The following STARD13 variants were observed in gnomAD, a reference collection of about 807,000 sequenced individuals.
STARD13 encodes the protein StAR related lipid transfer domain containing 13, also known as stAR-related lipid transfer protein 13.
In STARD13, 62 loss-of-function variants were observed where a neutral mutation model predicts 106.4. The ratio of observed to expected loss-of-function variants is 0.58; its 90% CI spans 0.48 to 0.72. The LOEUF is 0.72. Ranked by LOEUF, STARD13 falls within the 30% of genes least tolerant of loss-of-function variation. STARD13 has a pLI of 0.00. For missense variants in STARD13, 1,387 were observed against 1,424.0 expected (o/e 0.97, Z 0.42); for synonymous variants, 565 against 553.0 (o/e 1.02, Z -0.31).
At chr13:33,458,277 G>GT in the STARD13 span, among the ~76,000 whole-genome samples, 411 of 144,002 alleles carry the variant, frequency 2.9e-3, 2 homozygotes, top group South Asian at 0.01. Flanking sequence ...GTTTTTTGTT[G>GT]TTTTTTTTTT....
At chr13:33,660,214 T>G in the STARD13 span, among the ~76,000 whole-genome samples, 1 of 152,198 alleles carries the variant, frequency 6.6e-6, no homozygotes, top group Non-Finnish European at 1.5e-5. Flanking sequence ...CTTAGCTGAA[T>G]TCATGTTTTT....
intron 1 of STARD13, among the ~76,000 whole-genome samples, chr13:33,293,056 GC>G (rs1432606160): frequency 6.6e-6 from 1 of 152,126 alleles, no homozygotes; most frequent in Non-Finnish European, 1.5e-5. Context: ...CCTTCCTATG[GC>G]TGGCTCTTTC....
chr13:33,593,366 G>T, the STARD13 span, among the ~76,000 whole-genome samples: 957 of 152,038 alleles, frequency 6.3e-3, 6 homozygotes, highest in Non-Finnish European at 9.0e-3. Context: ...TCTATTTTTA[G>T]TAGAGATGGG....
chr13:33,506,588 C>G, the STARD13 span, among the ~76,000 whole-genome samples: 1 of 152,116 alleles, frequency 6.6e-6, no homozygotes, highest in Non-Finnish European at 1.5e-5. Flanking sequence ...AGTGGAAGAT[C>G]TGCATAACTC....
the STARD13 span, among the ~76,000 whole-genome samples, chr13:33,493,381 C>T: frequency 6.6e-6 from 1 of 152,172 alleles, no homozygotes; most frequent in Non-Finnish European, 1.5e-5. Flanking sequence ...AAGCTGCTTA[C>T]GCATTTGTCC....
chr13:33,117,940 A>G, intron 8 of STARD13, 125 bp downstream of exon 8: 2 of 1,492,560 alleles, frequency 1.3e-6, no homozygotes. Context: ...AGAGGAGAGC[A>G]GGATTACATA....
rs186645568 is a variant in STARD13, at chr13:33,190,035, A to G, written c.170-22413T>C. Among the ~76,000 whole-genome samples the G allele has an allele frequency of 3.4e-3, 513 of 152,186 alleles. 1 individual carries two copies. Among genetic ancestry groups the G allele is most frequent in the Non-Finnish European group, 6.0e-3 (410 of 68,020 alleles). ...TTCTCATTATACTAGATACCCTATA[A>G]TCACCCAGGAAGTTCACATTAATTG... On this transcript the variant is annotated intron_variant, in intron 1 of 13. Coordinates refer to ENST00000336934, the MANE Select transcript of STARD13 (RefSeq NM_178006.4).
At chr13:33,604,840 G>A in the STARD13 span, among the ~76,000 whole-genome samples, 1 of 151,066 alleles carries the variant, frequency 6.6e-6, no homozygotes, top group Non-Finnish European at 1.5e-5. Flanking sequence ...TGTCTAAAAA[G>A]CTAGATCTCT....
chr13:33,665,015 T>C, the STARD13 span, among the ~76,000 whole-genome samples: 1 of 152,242 alleles, frequency 6.6e-6, no homozygotes, highest in African/African-American at 2.4e-5. Flanking sequence ...TAAACTGTGT[T>C]GCAAACGTCA....
the STARD13 span, among the ~76,000 whole-genome samples, chr13:33,587,598 A>G: frequency 6.6e-6 from 1 of 152,282 alleles, no homozygotes; most frequent in Non-Finnish European, 1.5e-5. Context: ...AGTGCTTCTC[A>G]AGCTTTAATG....
At chr13:33,464,413 G>C in the STARD13 span, among the ~76,000 whole-genome samples, 1 of 152,114 alleles carries the variant, frequency 6.6e-6, no homozygotes, top group Non-Finnish European at 1.5e-5. Flanking sequence ...TATTTGATAA[G>C]AGATGACACA....
the STARD13 span, among the ~76,000 whole-genome samples, chr13:33,498,300 T>C: frequency 6.6e-6 from 1 of 152,186 alleles, no homozygotes; most frequent in Non-Finnish European, 1.5e-5. Context: ...ATCCCAATGT[T>C]GATGAAAAAG....
At chr13:33,498,785 T>C in the STARD13 span, among the ~76,000 whole-genome samples, 1 of 152,256 alleles carries the variant, frequency 6.6e-6, no homozygotes, top group Non-Finnish European at 1.5e-5. Context: ...ATATTTTCAA[T>C]ATTGCATATT....
At chr13:33,224,416 A>T (rs750283741) in intron 1 of STARD13, among the ~76,000 whole-genome samples, 3 of 152,178 alleles carry the variant, frequency 2.0e-5, no homozygotes, top group Admixed American at 6.5e-5. Flanking sequence ...GCTTCATACA[A>T]CACAAGTGTA....
At chr13:33,486,398 G>A in the STARD13 span, among the ~76,000 whole-genome samples, 3 of 151,982 alleles carry the variant, frequency 2.0e-5, no homozygotes, top group East Asian at 1.9e-4. Flanking sequence ...TTTCCTATAT[G>A]TACCTACCTA....
the STARD13 span, among the ~76,000 whole-genome samples, chr13:33,443,451 C>A: frequency 4.2e-5 from 1 of 23,970 alleles, no homozygotes; most frequent in Non-Finnish European, 6.7e-5. Flanking sequence ...TAAAAAGGGT[C>A]CCCCCCCCAA....
chr13:33,166,487 C>T (rs571574477), intron 2 of STARD13, among the ~76,000 whole-genome samples: 4 of 152,212 alleles, frequency 2.6e-5, no homozygotes, highest in South Asian at 2.1e-4. Context: ...CACTGTGCAC[C>T]GTTCCTCGTG....
At chr13:33,642,250 A>G in the STARD13 span, among the ~76,000 whole-genome samples, 1 of 152,244 alleles carries the variant, frequency 6.6e-6, no homozygotes, top group Non-Finnish European at 1.5e-5. Context: ...AATAAATTAG[A>G]GCTCAAAAAA....
At chr13:33,141,763 T>C (rs1470204936) in intron 4 of STARD13, among the ~76,000 whole-genome samples, 2 of 152,174 alleles carry the variant, frequency 1.3e-5, no homozygotes, top group African/African-American at 4.8e-5. Context: ...CTTTCTGAAC[T>C]TTTAATCTAC....
Sources: gnomAD v4.1 joint callset for allele counts (sites outside exome capture counted in the v4.1 genomes callset) on GRCh38, gnomAD v4.1.1 for gene constraint, MANE v1.5 for transcripts, NCBI Gene and HGNC (gene_info 2026-07-23, HGNC 2026-07-21) for gene names.